NUDCD1: variants seen among roughly 807,000 people sequenced by gnomAD.
The protein encoded by NUDCD1 is NudC domain containing 1, also known as nudC domain-containing protein 1.
Under a neutral mutation model 67.8 loss-of-function variants are expected in NUDCD1, and 60 were observed. The ratio of observed to expected loss-of-function variants is 0.88; its 90% CI spans 0.72 to 1.10. The LOEUF is 1.10. Ranked by LOEUF, NUDCD1 falls within the 50% of genes least tolerant of loss-of-function variation. NUDCD1 has a pLI of 0.00. For synonymous variants in NUDCD1, 244 were observed against 230.8 expected, an observed-to-expected ratio of 1.06 and a Z score of -0.52; for missense variants, 643 against 695.0, an observed-to-expected ratio of 0.93 and a Z score of 0.84.
intron 5 of NUDCD1, among the ~76,000 whole-genome samples, chr8:109,283,807 T>A (rs1260685724): frequency 6.6e-6 from 1 of 152,156 alleles, no homozygotes; most frequent in East Asian, 1.9e-4. Flanking sequence ...AAAAGAACAG[T>A]ATCTGCTACC....
rs964695943 is a variant in NUDCD1, at chr8:109,334,077, GCA to G, written c.-69_-68del. 6.2e-6 allele frequency: 10 copies of G among 1,602,122 alleles called. No individual in the cohort carries two copies. The highest frequency in any genetic ancestry group is 2.7e-5 in the African/African-American group (2 of 74,472). On this transcript the variant is annotated 5_prime_UTR_variant, in exon 1 of 10. Transcript: ENST00000239690. ...TTGAAAGGTCCGCGCTTCACGCCTC[GCA>G]CAGAGACTGGGAAGCGGCGTGGTTC... is the stretch of plus-strand genomic sequence containing the variant.
At chr8:109,314,962 G>T (rs1047605225) in intron 2 of NUDCD1, among the ~76,000 whole-genome samples, 9 of 151,768 alleles carry the variant, frequency 5.9e-5, no homozygotes, top group Admixed American at 6.6e-5. Context: ...AAGCAAGTGG[G>T]GATACCATTT....
chr8:109,269,945 TAA>T (rs11347205), intron 8 of NUDCD1, among the ~76,000 whole-genome samples: 3,724 of 128,316 alleles, frequency 0.029, 164 homozygotes, highest in African/African-American at 0.099. Flanking sequence ...GGTTCTAAAT[TAA>T]AAAAAAAAAA....
rs971912205 is a variant in NUDCD1 at position 109,252,811 on chromosome 8, T to A, written c.1300-7330A>T. On this transcript the variant is annotated intron_variant, in intron 8 of 9. Transcript: ENST00000239690. ...GTAAGCTCAGCTTTCTGATGAGTCT[T>A]TAAAAAGTTATGATTCCATAAATAA... Among the ~76,000 whole-genome samples the A allele has an allele frequency of 1.2e-4, 18 of 152,316 alleles. No individual in the cohort carries two copies. In the East Asian group the frequency reaches 3.5e-3, roughly 29 times the overall value.
chr8:109,264,844 C>A (rs1383795346), intron 8 of NUDCD1, among the ~76,000 whole-genome samples: 1 of 150,814 alleles, frequency 6.6e-6, no homozygotes, highest in Non-Finnish European at 1.5e-5. Context: ...CAATGACATT[C>A]CTCCTACTTT....
Position 109,247,335 on chromosome 8 carries a change from A to G in NUDCD1, c.1300-1854T>C, listed in dbSNP as rs141231069. ...ATCTACTTTCATGAGCCAAGTGCCT[A>G]AAGAATGTATTGAATATTATGAGGA... On this transcript the variant is annotated intron_variant, in intron 8 of 9. Coordinates refer to ENST00000239690, the MANE Select transcript of NUDCD1 (RefSeq NM_032869.4). 2.2e-3 allele frequency among the ~76,000 whole-genome samples: 332 copies of G among 152,316 alleles called. 2 individuals are homozygous for G. The highest frequency in any genetic ancestry group is 5.7e-3 in the African/African-American group (235 of 41,562).
In NUDCD1 at chr8:109,268,005, C is replaced by T. The variant is rs563151143; in HGVS notation, c.1299+3000G>A. On this transcript the variant is annotated intron_variant, in intron 8 of 9. Coordinates refer to ENST00000239690, the MANE Select transcript of NUDCD1 (RefSeq NM_032869.4). ...AGATCTAGTTTCTACTACTGACTCT[C>T]GCTTTGATCCCATATAAACTCCATC... is the stretch of plus-strand genomic sequence containing the variant. Among the ~76,000 whole-genome samples the T allele has an allele frequency of 4.6e-5, 7 of 152,166 alleles. No individual in the cohort carries two copies. In the East Asian group the frequency reaches 5.8e-4, roughly 13 times the overall value.
chr8:109,282,681 G>A (rs61706619), intron 5 of NUDCD1, among the ~76,000 whole-genome samples: 1,524 of 151,284 alleles, frequency 0.01, 24 homozygotes, highest in African/African-American at 0.034. Context: ...CGGGGTTGTC[G>A]GGGGGTGGGG....
chr8:109,288,663 T>G (rs1313941422), intron 5 of NUDCD1, among the ~76,000 whole-genome samples: 1 of 152,172 alleles, frequency 6.6e-6, no homozygotes, highest in East Asian at 1.9e-4. Flanking sequence ...ATAGTAAACC[T>G]AGGTTGCTCT....
intron 6 of NUDCD1, among the ~76,000 whole-genome samples, chr8:109,279,681 A>G (rs72682646): frequency 0.038 from 5,837 of 151,944 alleles, 328 homozygotes; most frequent in Admixed American, 0.17. Context: ...CTTATTGCCC[A>G]GGGCCGGAAA....
chr8:109,282,827 T>C (rs1814486090), intron 5 of NUDCD1, among the ~76,000 whole-genome samples: 2 of 145,314 alleles, frequency 1.4e-5, no homozygotes. Flanking sequence ...AACTTAAAAG[T>C]ACAATAAAAA....
At chr8:109,300,429 G>A (rs1814959477) in intron 2 of NUDCD1, among the ~76,000 whole-genome samples, 3 of 152,018 alleles carry the variant, frequency 2.0e-5, no homozygotes, top group Non-Finnish European at 4.4e-5. Context: ...GGAAACAATG[G>A]ACACACTTAC....
intron 1 of NUDCD1, among the ~76,000 whole-genome samples, chr8:109,325,967 A>G (rs1815672677): frequency 6.6e-6 from 1 of 152,248 alleles, no homozygotes; most frequent in African/African-American, 2.4e-5. Flanking sequence ...GAGGAAACAT[A>G]TAACACCACT....
In NUDCD1 at chr8:109,280,953, A is replaced by G. The variant is rs776875023; in HGVS notation, c.1028+15T>C. The G allele has an allele frequency of 5.6e-6, 7 of 1,242,388 alleles. No individual in the cohort carries two copies. In the African/African-American group the frequency reaches 1.6e-4, roughly 29 times the overall value. 77.0% of individuals were successfully genotyped at this position (1,242,388 alleles called of 1,614,324 possible). A position where few individuals can be genotyped will look rare whatever the true frequency, so the allele number is the denominator to read the frequency against. ...AAAGATAATAGAATATTAAAGTAAAATTAAAAAAAAATACCTATTACTCTC... is the reference window on the plus strand; with the variant it reads ...AAAGATAATAGAATATTAAAGTAAAGTTAAAAAAAAATACCTATTACTCTC... On this transcript the variant is annotated intron_variant, in intron 6 of 9. Coordinates refer to ENST00000239690, the MANE Select transcript of NUDCD1 (RefSeq NM_032869.4).
At chr8:109,266,691 G>C (rs1814009744) in intron 8 of NUDCD1, among the ~76,000 whole-genome samples, 1 of 152,200 alleles carries the variant, frequency 6.6e-6, no homozygotes, top group Non-Finnish European at 1.5e-5. Context: ...TGACAGCATA[G>C]CTCTTAGAAG....
Position 109,242,387 on chromosome 8 carries a change from T to C in NUDCD1, c.*622A>G, listed in dbSNP as rs570441633. 8.3e-6 allele frequency: 3 copies of C among 360,992 alleles called. No individual in the cohort carries two copies. Among genetic ancestry groups the C allele is most frequent in the Non-Finnish European group, 1.5e-5 (3 of 202,990 alleles). 22.4% of individuals were successfully genotyped at this position (360,992 alleles called of 1,614,324 possible). A position where few individuals can be genotyped will look rare whatever the true frequency, so the allele number is the denominator to read the frequency against. ...TGTTTTAAACCACTGAGTTTTGGTG[T>C]GGTTTGTTATGCAGTGATGGATAAT... On this transcript the variant is annotated 3_prime_UTR_variant, in exon 10 of 10. Transcript: ENST00000239690.
intron 8 of NUDCD1, among the ~76,000 whole-genome samples, chr8:109,268,604 T>A (rs1486041213): frequency 6.6e-6 from 1 of 152,166 alleles, no homozygotes; most frequent in Non-Finnish European, 1.5e-5. Flanking sequence ...GGAAGCTACG[T>A]TTAAACCACA....
chr8:109,324,944 G>T (rs1329892919), intron 1 of NUDCD1, among the ~76,000 whole-genome samples: 1 of 152,148 alleles, frequency 6.6e-6, no homozygotes, highest in Admixed American at 6.5e-5. Context: ...AAACAAATTA[G>T]CTGGGTGTGA....
chr8:109,271,483 G>A (rs141344641), intron 7 of NUDCD1, among the ~76,000 whole-genome samples: 4 of 152,232 alleles, frequency 2.6e-5, no homozygotes, highest in African/African-American at 9.6e-5. Context: ...CACTGCAGGA[G>A]AAAAGACCAG....
Sources: gnomAD v4.1 joint callset for allele counts (sites outside exome capture counted in the v4.1 genomes callset) on GRCh38, gnomAD v4.1.1 for gene constraint, MANE v1.5 for transcripts, NCBI Gene and HGNC (gene_info 2026-07-23, HGNC 2026-07-21) for gene names.